MORC1: variants seen among roughly 807,000 people sequenced by gnomAD.
The protein encoded by MORC1 is MORC family CW-type zinc finger 1.
A neutral mutation model predicts 134.9 loss-of-function variants in MORC1; 59 were observed. The observed-to-expected ratio is 0.44, with a 90% CI of 0.35 to 0.54. The LOEUF (loss-of-function observed/expected upper bound fraction) is 0.54. Among genes scored for constraint, MORC1 ranks in the 20% least tolerant of loss-of-function variants. The pLI is 0.00. For missense variants in MORC1, 947 were observed against 1,134.5 expected (o/e 0.83, Z 2.37); for synonymous variants, 395 against 391.7 (o/e 1.01, Z -0.10).
intron 14 of MORC1, chr3:109,049,119 T>A (rs1167516275): frequency 1.0e-6 from 1 of 982,172 alleles, no homozygotes; most frequent in Non-Finnish European, 1.2e-6. Flanking sequence ...TAATATTTGC[T>A]TCATCACTCG....
intron 20 of MORC1, among the ~76,000 whole-genome samples, chr3:109,002,339 G>GT (rs1343247937): frequency 6.6e-6 from 1 of 152,130 alleles, no homozygotes; most frequent in Non-Finnish European, 1.5e-5. Context: ...TCAGAAGTGT[G>GT]TATCAGTCCC....
intron 6 of MORC1, among the ~76,000 whole-genome samples, chr3:109,098,157 C>T (rs1013884839): frequency 1.3e-5 from 2 of 152,034 alleles, no homozygotes; most frequent in Non-Finnish European, 2.9e-5. Context: ...GTGATCCTCC[C>T]TCTTCAGCCT....
chr3:109,010,138 CTT>C (rs1948649558), intron 17 of MORC1, among the ~76,000 whole-genome samples: 1 of 152,036 alleles, frequency 6.6e-6, no homozygotes. Flanking sequence ...CTCTCTCTCT[CTT>C]CTCCCTCTTT....
At chr3:109,090,917 A>G (rs1263697693) in intron 8 of MORC1, among the ~76,000 whole-genome samples, 4 of 152,124 alleles carry the variant, frequency 2.6e-5, no homozygotes, top group East Asian at 3.8e-4. Context: ...AAAATGTGTT[A>G]TATTATAAAC....
chr3:109,023,642 C>T (rs6782469), intron 17 of MORC1, among the ~76,000 whole-genome samples: 64,251 of 151,948 alleles, frequency 0.42, 14,293 homozygotes, highest in Middle Eastern at 0.55. Flanking sequence ...ATCCTTGTCA[C>T]ACAATAGAAG....
At chr3:108,969,809 T>C in intron 25 of MORC1, 87 bp from the exon 26 acceptor site, 2 of 1,328,562 alleles carry the variant, frequency 1.5e-6, no homozygotes, top group Non-Finnish European at 2.2e-6. Context: ...AAGCATTGAG[T>C]ATAAAAAGCA....
intron 12 of MORC1, 137 bp from the exon 13 acceptor site, chr3:109,057,623 C>A (rs893623993): frequency 1.6e-6 from 1 of 619,200 alleles, no homozygotes; most frequent in Non-Finnish European, 2.5e-6. Context: ...GGTAGGCACA[C>A]TCAGTTGTCT....
At chr3:109,040,492 A>AAG (rs1949511319) in intron 14 of MORC1, among the ~76,000 whole-genome samples, 1 of 131,812 alleles carries the variant, frequency 7.6e-6, no homozygotes, top group Non-Finnish European at 1.7e-5. Flanking sequence ...AAGAAAGGAA[A>AAG]GAAAAGAAAG....
chr3:109,062,637 G>A (rs535808932), intron 10 of MORC1, among the ~76,000 whole-genome samples: 4 of 152,006 alleles, frequency 2.6e-5, no homozygotes. Flanking sequence ...AGCCAGGATG[G>A]TATCAATCTC....
chr3:109,011,144 G>A (rs1458314082), intron 17 of MORC1, among the ~76,000 whole-genome samples: 4 of 152,224 alleles, frequency 2.6e-5, no homozygotes, highest in Admixed American at 2.6e-4. Context: ...GAGGCTAGGA[G>A]TTTGAGACTG....
intron 24 of MORC1, among the ~76,000 whole-genome samples, chr3:108,975,210 T>C (rs1947516090): frequency 6.6e-6 from 1 of 152,176 alleles, no homozygotes; most frequent in South Asian, 2.1e-4. Flanking sequence ...AGAGCAAGCC[T>C]CCTACTGGAG....
At chr3:108,962,762 GCTCTTC>G (rs1947114539) in intron 27 of MORC1, among the ~76,000 whole-genome samples, 1 of 151,666 alleles carries the variant, frequency 6.6e-6, no homozygotes, top group Non-Finnish European at 1.5e-5. Context: ...TAGAAGATGG[GCTCTTC>G]CTCATCAGTT....
chr3:108,958,529 T>C lies in MORC1; in HGVS notation c.*436A>G, dbSNP rs1276864685. ...TGGCTATAGTGGAGAAAGGGCATAA[T>C]GTCTTTCTTTTTCAATATCTTCAAG... is the stretch of plus-strand genomic sequence containing the variant. On this transcript the variant is annotated 3_prime_UTR_variant, in exon 28 of 28. Coordinates refer to ENST00000232603, the MANE Select transcript of MORC1 (RefSeq NM_014429.4). 1.3e-5 allele frequency: 2 copies of C among 152,190 alleles called. No homozygotes were observed. Among genetic ancestry groups the C allele is most frequent in the Non-Finnish European group, 2.9e-5 (2 of 68,064 alleles). The allele number at this position is 152,190 out of a possible 1,614,324, so 9.4% of individuals were successfully genotyped here. A position where few individuals can be genotyped will look rare whatever the true frequency, so the allele number is the denominator to read the frequency against.
At position 108,984,871 on chromosome 3, in the gene MORC1, C is replaced by T. The variant is rs921750518; in HGVS notation, c.2258-89G>A. 2.2e-6 allele frequency: 2 copies of T among 911,450 alleles called. 1 individual carries two copies. The highest frequency in any genetic ancestry group is 3.3e-6 in the Non-Finnish European group (2 of 599,314). 56.5% of individuals were successfully genotyped at this position (911,450 alleles called of 1,614,324 possible). On this transcript the variant is annotated intron_variant, in intron 22 of 27. Transcript: ENST00000232603. Reference sequence around the variant, plus strand: ...AATGTTAGCAGTTCATTAACTACCTCTGTATAATATGGATTTGTATTGAAA... The same window carrying T: ...AATGTTAGCAGTTCATTAACTACCTTTGTATAATATGGATTTGTATTGAAA...
At chr3:109,007,306 T>C (rs1369797866) in intron 17 of MORC1, among the ~76,000 whole-genome samples, 2 of 152,210 alleles carry the variant, frequency 1.3e-5, no homozygotes, top group Non-Finnish European at 2.9e-5. Flanking sequence ...AATGGTTTGT[T>C]GAAGCATTAT....
chr3:109,070,676 GA>G (rs111509819), intron 8 of MORC1, among the ~76,000 whole-genome samples: 1,735 of 145,180 alleles, frequency 0.012, 39 homozygotes, highest in African/African-American at 0.037. Flanking sequence ...AAGATGATGG[GA>G]AAAAAAAAAA....
intron 14 of MORC1, among the ~76,000 whole-genome samples, chr3:109,038,980 G>C (rs943615978): frequency 6.6e-6 from 1 of 152,146 alleles, no homozygotes; most frequent in Non-Finnish European, 1.5e-5. Context: ...GCAGTGGTGT[G>C]ATCTTGGCTC....
rs1464949004 is a variant in MORC1, at chr3:109,016,131, G to T, written c.1705-9040C>A. Among the ~76,000 whole-genome samples, 4 of 152,108 alleles carry T rather than the reference G, an allele frequency of 2.6e-5. No homozygotes were observed. The East Asian group carries it at 5.8e-4, about 22-fold the overall frequency. ...CTGCAACCTGTCACATAAACCAGAT[G>T]AATTTTCCTCTTGTAGTGTTGTATC... On this transcript the variant is annotated intron_variant, in intron 17 of 27. Transcript: ENST00000232603.
At chr3:109,033,535 C>T (rs1308480014) in intron 15 of MORC1, among the ~76,000 whole-genome samples, 1 of 152,180 alleles carries the variant, frequency 6.6e-6, no homozygotes, top group East Asian at 1.9e-4. Context: ...TCCAGACACA[C>T]TGCTAACGGC....
Sources: allele counts gnomAD v4.1 joint callset (sites outside exome capture counted in the v4.1 genomes callset), GRCh38; gene constraint gnomAD v4.1.1; transcripts MANE v1.5; gene names NCBI Gene and HGNC (gene_info 2026-07-23, HGNC 2026-07-21).